PDGFA: variants seen among roughly 807,000 people sequenced by gnomAD.
PDGFA encodes the protein platelet derived growth factor subunit A.
In PDGFA, 9 loss-of-function variants were observed where a neutral mutation model predicts 25.6. That is an observed-to-expected ratio of 0.35 (90% CI 0.21 to 0.61). The LOEUF is 0.61. Ranked by LOEUF, PDGFA falls within the 20% of genes least tolerant of loss-of-function variation. PDGFA has a pLI of 0.75. For synonymous variants in PDGFA, 133 were observed against 111.8 expected, an observed-to-expected ratio of 1.19 and a Z score of -1.20; for missense variants, 242 against 272.8, an observed-to-expected ratio of 0.89 and a Z score of 0.79.
rs565771674 is a variant in PDGFA at position 500,352 on chromosome 7, A to C, written c.580+764T>G. 1 of 1,492,298 alleles carries C rather than the reference A, an allele frequency of 6.7e-7. No individual in the cohort carries two copies. The highest frequency in any genetic ancestry group is 1.7e-5 in the Admixed American group (1 of 59,100). 92.4% of individuals were successfully genotyped at this position (1,492,298 alleles called of 1,614,324 possible). ...TCCCCGCCGCACCCGGCGAGACAGGAAGCGTGATTTGCTGGTGTGATCAGT... is the reference window on the plus strand; with the variant it reads ...TCCCCGCCGCACCCGGCGAGACAGGCAGCGTGATTTGCTGGTGTGATCAGT... On this transcript the variant is annotated intron_variant, in intron 5 of 5. Transcript: ENST00000402802. The surrounding 1 kb of genome is among the most constrained non-coding windows in gnomAD (Gnocchi z 5.0).
exon 1 of PDGFA, chr7:519,113 G>A: frequency 5.5e-6 from 4 of 724,318 alleles, no homozygotes; most frequent in Non-Finnish European, 8.5e-6. Context: ...AGCGCGGCCC[G>A]GAGGAGGGTG....
At chr7:507,493 C>A (rs574670573) in intron 4 of PDGFA, among the ~76,000 whole-genome samples, 133 of 152,298 alleles carry the variant, frequency 8.7e-4, no homozygotes, top group African/African-American at 3.0e-3. Flanking sequence ...CTCAGGGGGC[C>A]GGGGGAGGGA....
intron 4 of PDGFA, among the ~76,000 whole-genome samples, chr7:508,183 G>A (rs534667154): frequency 2.0e-5 from 3 of 152,194 alleles, no homozygotes; most frequent in Non-Finnish European, 2.9e-5. Flanking sequence ...CTCCCTCCGG[G>A]GCCTAGGAGT....
Position 517,338 on chromosome 7 carries a change from G to T in PDGFA, c.160+56C>A. The stretch of plus-strand genomic sequence containing the variant: ...GCCCCGCCCGGCCCCAGCTCGGGGC[G>T]CACAGGCCGCCCGCCCGCGCCCTCC... On this transcript the variant is annotated intron_variant, in intron 2 of 5. Coordinates refer to ENST00000402802, the Ensembl canonical transcript of PDGFA. This position sits in a 1 kb window ranked among gnomAD's most constrained non-coding sequence, Gnocchi z 7.4. 2 of 828,312 alleles carry T rather than the reference G, an allele frequency of 2.4e-6. No individual in the cohort carries two copies. The highest frequency in any genetic ancestry group is 3.3e-6 in the Non-Finnish European group (2 of 603,428). The allele number at this position is 828,312 out of a possible 1,614,324, so 51.3% of individuals were successfully genotyped here. A position where few individuals can be genotyped will look rare whatever the true frequency, so the allele number is the denominator to read the frequency against.
At chr7:512,577 C>T in intron 2 of PDGFA, 122 bp from the exon 3 acceptor site, 5 of 1,549,530 alleles carry the variant, frequency 3.2e-6, no homozygotes, top group South Asian at 2.4e-5. Context: ...CCTGGCGGCA[C>T]AGCCCCTCAC....
Position 517,503 on chromosome 7 carries a change from G to A in PDGFA, c.64-13C>T. The stretch of plus-strand genomic sequence containing the variant: ...GGATCTCGGCTTCCTGCAAGCAGAG[G>A]CCACACGGTCAGCGCCCGCGGCCCC... On this transcript the variant is annotated splice_polypyrimidine_tract_variant and intron_variant, in intron 1 of 5. Transcript: ENST00000402802. This position sits in a 1 kb window ranked among gnomAD's most constrained non-coding sequence, Gnocchi z 7.4. The A allele has an allele frequency of 1.6e-6, 2 of 1,256,600 alleles. No homozygotes were observed. The highest frequency in any genetic ancestry group is 2.0e-5 in the South Asian group (1 of 49,128). 77.8% of individuals were successfully genotyped at this position (1,256,600 alleles called of 1,614,324 possible). A position where few individuals can be genotyped will look rare whatever the true frequency, so the allele number is the denominator to read the frequency against.
chr7:511,902 G>A (rs569691472), intron 3 of PDGFA, among the ~76,000 whole-genome samples: 2,194 of 152,084 alleles, frequency 0.014, 27 homozygotes, highest in South Asian at 0.043. Flanking sequence ...TGAGGGTGTC[G>A]GGGGGCAGCC....
intron 2 of PDGFA, among the ~76,000 whole-genome samples, chr7:516,527 C>G (rs1029747436): frequency 4.6e-5 from 7 of 152,168 alleles, no homozygotes; most frequent in Non-Finnish European, 2.9e-5. Context: ...GTTAAGGCTC[C>G]GACTGGAGTT....
At chr7:510,920 G>C (rs761521449) in exon 4 of PDGFA, 1 of 1,612,484 alleles carries the variant, frequency 6.2e-7, no homozygotes, top group Non-Finnish European at 8.5e-7. Flanking sequence ...GGAAGTTGGC[G>C]GACGTGGGGT....
At chr7:513,223 G>C (rs978956058) in intron 2 of PDGFA, 3 of 155,334 alleles carry the variant, frequency 1.9e-5, no homozygotes, top group African/African-American at 7.2e-5. Context: ...CAGGCGGCCA[G>C]GTGCAGGTGG....
exon 1 of PDGFA, chr7:519,189 C>G (rs1783250615): frequency 2.3e-6 from 1 of 442,642 alleles, no homozygotes; most frequent in Non-Finnish European, 4.0e-6. Flanking sequence ...AGGCAGGCAG[C>G]GCCAGCCAGG....
chr7:509,938 C>T (rs978025527), intron 4 of PDGFA, among the ~76,000 whole-genome samples: 1 of 152,186 alleles, frequency 6.6e-6, no homozygotes, highest in Non-Finnish European at 1.5e-5. Flanking sequence ...GAGCCCACCC[C>T]AAGCACTCCT....
intron 2 of PDGFA, among the ~76,000 whole-genome samples, chr7:516,484 A>G (rs112008509): frequency 0.11 from 16,066 of 152,126 alleles, 984 homozygotes; most frequent in Non-Finnish European, 0.13. Context: ...ACTCTTTTTA[A>G]CAAGTTCATC....
intron 2 of PDGFA, among the ~76,000 whole-genome samples, chr7:513,716 C>G (rs937872356): frequency 1.1e-4 from 17 of 152,156 alleles, no homozygotes; most frequent in Admixed American, 2.6e-4. Flanking sequence ...CCCAGCCCAT[C>G]GAGGCATCCG....
At chr7:501,061 CA>C (rs1340390594) in intron 5 of PDGFA, 54 bp downstream of exon 5, 3 of 1,613,790 alleles carry the variant, frequency 1.9e-6, no homozygotes, top group Non-Finnish European at 2.5e-6. Flanking sequence ...ACCCCAAAAG[CA>C]AGGCTCTGAA....
At chr7:505,117 G>A (rs1219668915) in intron 4 of PDGFA, among the ~76,000 whole-genome samples, 1 of 152,214 alleles carries the variant, frequency 6.6e-6, no homozygotes, top group Non-Finnish European at 1.5e-5. Context: ...TTTCTCCCAA[G>A]AACACAAAAT....
chr7:511,084 G>A (rs1288715298), intron 3 of PDGFA, 88 bp from the exon 4 acceptor site: 1 of 1,007,248 alleles, frequency 9.9e-7, no homozygotes, highest in Non-Finnish European at 1.5e-6. Flanking sequence ...CTGGGCCTGG[G>A]GGGCAACCAG....
intron 1 of PDGFA, 70 bp downstream of exon 1, chr7:518,869 G>C: frequency 9.5e-7 from 1 of 1,055,198 alleles, no homozygotes; most frequent in Non-Finnish European, 1.3e-6. Context: ...AGAGCCCGTG[G>C]CGCCCCAGCC....
chr7:512,723 C>T (rs571032991), intron 2 of PDGFA: 44 of 1,306,486 alleles, frequency 3.4e-5, no homozygotes, highest in Non-Finnish European at 4.2e-5. Flanking sequence ...GGGCCCGTGA[C>T]GAAGCGCAGG....
Sources: allele counts gnomAD v4.1 joint callset (sites outside exome capture counted in the v4.1 genomes callset), GRCh38; gene constraint gnomAD v4.1.1; non-coding constraint Gnocchi (gnomAD v3.1); transcripts MANE v1.5; gene names NCBI Gene and HGNC (gene_info 2026-07-23, HGNC 2026-07-21).